PDE1C: variants seen among roughly 807,000 people sequenced by gnomAD.
PDE1C encodes the protein dual specificity calcium/calmodulin-dependent 3',5'-cyclic nucleotide phosphodiesterase 1C.
PDE1C carries 62 observed loss-of-function variants against 93.1 expected under a neutral mutation model. The observed-to-expected ratio is 0.67, with a 90% CI of 0.54 to 0.82. The LOEUF (loss-of-function observed/expected upper bound fraction) is 0.82, where lower values mean the gene tolerates loss of function less well. Among genes scored for constraint, PDE1C ranks in the 40% least tolerant of loss-of-function variants. The probability of loss-of-function intolerance (pLI) is 0.00; values close to 1 mark genes in which losing one functional copy is unlikely to be tolerated. For synonymous variants in PDE1C, 325 were observed against 310.1 expected (o/e 1.05, Z -0.50); for missense variants, 742 against 884.6 (o/e 0.84, Z 2.04).
chr7:31,908,192 A>AGC (rs1800822228), intron 2 of PDE1C, among the ~76,000 whole-genome samples: 1 of 13,336 alleles, frequency 7.5e-5, no homozygotes, highest in Non-Finnish European at 4.5e-3. Flanking sequence ...CATTAGTAAT[A>AGC]TGTCATTAGT....
chr7:32,421,074 C>T (rs184090144), intron 1 of PDE1C, among the ~76,000 whole-genome samples: 44 of 111,776 alleles, frequency 3.9e-4, no homozygotes, highest in Middle Eastern at 4.3e-3. Context: ...CCCTAGAAGG[C>T]GGATTAAAAC....
At chr7:31,911,999 TG>T (rs1382007786) in intron 2 of PDE1C, among the ~76,000 whole-genome samples, 1 of 152,230 alleles carries the variant, frequency 6.6e-6, no homozygotes, top group East Asian at 1.9e-4. Flanking sequence ...TTCTCTGTTG[TG>T]CTGCTTCAGG....
At chr7:31,767,799 A>G (rs977137652) in intron 17 of PDE1C, among the ~76,000 whole-genome samples, 5 of 152,104 alleles carry the variant, frequency 3.3e-5, no homozygotes, top group African/African-American at 1.2e-4. Context: ...CAGGTTGCAG[A>G]CTGCTGACTT....
At chr7:31,852,978 T>C (rs977562512) in intron 7 of PDE1C, among the ~76,000 whole-genome samples, 2 of 151,782 alleles carry the variant, frequency 1.3e-5, no homozygotes, top group Non-Finnish European at 2.9e-5. Context: ...CACGTAAAGT[T>C]AATTTCACTT....
chr7:32,063,511 T>C (rs914439225), intron 1 of PDE1C, among the ~76,000 whole-genome samples: 2 of 152,218 alleles, frequency 1.3e-5, no homozygotes, highest in African/African-American at 4.8e-5. Flanking sequence ...GTCAAGATAT[T>C]AAGCACTTTG....
chr7:31,951,403 G>A, intron 2 of PDE1C, among the ~76,000 whole-genome samples: 1 of 152,198 alleles, frequency 6.6e-6, no homozygotes, highest in Non-Finnish European at 1.5e-5. Context: ...TTCAGCCACT[G>A]GCTCCTGGCT....
At chr7:31,654,377 G>A in the PDE1C span, among the ~76,000 whole-genome samples, 16 of 152,254 alleles carry the variant, frequency 1.1e-4, no homozygotes, top group East Asian at 2.7e-3. Context: ...AGAGGGGATC[G>A]GTCAGACTAT....
chr7:31,885,344 A>G (rs1797741514), intron 2 of PDE1C, among the ~76,000 whole-genome samples: 1 of 152,250 alleles, frequency 6.6e-6, no homozygotes, highest in African/African-American at 2.4e-5. Flanking sequence ...ATAGAAGTGC[A>G]ACACCATTTT....
intron 1 of PDE1C, among the ~76,000 whole-genome samples, chr7:32,350,380 C>T (rs1272647633): frequency 4.6e-5 from 7 of 151,556 alleles, no homozygotes; most frequent in Non-Finnish European, 7.4e-5. Flanking sequence ...TTAACACAAC[C>T]ACAATACTAT....
intron 2 of PDE1C, among the ~76,000 whole-genome samples, chr7:32,047,634 C>T (rs750549468): frequency 4.6e-5 from 7 of 152,002 alleles, no homozygotes; most frequent in Non-Finnish European, 1.0e-4. Context: ...ATGCCTCGTA[C>T]TTGGTGAAAT....
intron 3 of PDE1C, among the ~76,000 whole-genome samples, chr7:32,106,629 T>C (rs1798326765): frequency 6.6e-6 from 1 of 152,106 alleles, no homozygotes; most frequent in African/African-American, 2.4e-5. Flanking sequence ...AAGGAGTCTC[T>C]AGGAAAACTC....
At chr7:32,418,959 T>C (rs1031582564) in intron 1 of PDE1C, among the ~76,000 whole-genome samples, 3 of 152,210 alleles carry the variant, frequency 2.0e-5, no homozygotes, top group Admixed American at 6.5e-5. Context: ...TAATGGCTTC[T>C]TTTTTCCCAT....
intron 1 of PDE1C, among the ~76,000 whole-genome samples, chr7:32,241,277 C>A (rs1033766299): frequency 1.3e-5 from 2 of 152,294 alleles, no homozygotes; most frequent in Admixed American, 1.3e-4. Flanking sequence ...AGAGAAGCCA[C>A]CCAAGGAATT....
At chr7:31,672,388 C>T in the PDE1C span, among the ~76,000 whole-genome samples, 3 of 152,044 alleles carry the variant, frequency 2.0e-5, no homozygotes, top group Non-Finnish European at 4.4e-5. Flanking sequence ...AAAATATCAC[C>T]TCTCAATATA....
chr7:31,641,708 TGTA>T, the PDE1C span, among the ~76,000 whole-genome samples: 1 of 152,156 alleles, frequency 6.6e-6, no homozygotes, highest in Non-Finnish European at 1.5e-5. Context: ...AGCACAAACT[TGTA>T]GTCATAGAAA....
chr7:32,394,707 T>C (rs961833643), intron 1 of PDE1C, among the ~76,000 whole-genome samples: 1 of 151,978 alleles, frequency 6.6e-6, no homozygotes, highest in African/African-American at 2.4e-5. Context: ...AATCAGGAGG[T>C]TGAGGTGGAG....
chr7:32,311,434 A>G (rs1423587732), intron 1 of PDE1C, among the ~76,000 whole-genome samples: 5 of 152,320 alleles, frequency 3.3e-5, no homozygotes, highest in Non-Finnish European at 5.9e-5. Flanking sequence ...TACCAAAGCC[A>G]GGTAGAGACA....
chr7:31,869,758 C>T (rs1290440200), intron 6 of PDE1C, among the ~76,000 whole-genome samples: 1 of 152,008 alleles, frequency 6.6e-6, no homozygotes, highest in Non-Finnish European at 1.5e-5. Context: ...CACATTAGAC[C>T]AAATGGACCT....
chr7:32,023,258 T>G (rs1187610074), intron 2 of PDE1C, among the ~76,000 whole-genome samples: 5 of 152,120 alleles, frequency 3.3e-5, no homozygotes, highest in Admixed American at 6.6e-5. Flanking sequence ...ACATACAGCT[T>G]GCAATGGTTG....
Sources: allele counts gnomAD v4.1 joint callset (sites outside exome capture counted in the v4.1 genomes callset), GRCh38; gene constraint gnomAD v4.1.1; transcripts MANE v1.5; gene names NCBI Gene and HGNC (gene_info 2026-07-23, HGNC 2026-07-21).